The following PRR5L variants were observed in gnomAD, a reference collection of about 807,000 sequenced individuals.
PRR5L encodes proline-rich protein 5-like.
Under a neutral mutation model 36.4 loss-of-function variants are expected in PRR5L, and 21 were observed. That is an observed-to-expected ratio of 0.58 (90% CI 0.41 to 0.83). PRR5L has a LOEUF of 0.83. PRR5L is among the 40% of genes least tolerant of loss of function. PRR5L has a pLI of 0.00. For synonymous variants in PRR5L, 188 were observed against 197.0 expected (o/e 0.95, Z 0.38); for missense variants, 381 against 473.3 (o/e 0.80, Z 1.81).
At chr11:36,338,876 C>T (rs1405422118) in intron 1 of PRR5L, among the ~76,000 whole-genome samples, 3 of 152,106 alleles carry the variant, frequency 2.0e-5, no homozygotes, top group Admixed American at 6.5e-5. Context: ...AGAATTCCCA[C>T]GTGCTGTGGG....
chr11:36,415,012 A>G (rs1858110954), intron 3 of PRR5L, among the ~76,000 whole-genome samples: 1 of 144,502 alleles, frequency 6.9e-6, no homozygotes, highest in African/African-American at 2.6e-5. Context: ...GTCAAAGATC[A>G]GATAGTTGTA....
intron 1 of PRR5L, among the ~76,000 whole-genome samples, chr11:36,356,749 C>T (rs12272026): frequency 6.6e-6 from 1 of 151,988 alleles, no homozygotes; most frequent in Non-Finnish European, 1.5e-5. Flanking sequence ...TAATCCATAA[C>T]TGTTATATGC....
chr11:36,338,368 A>T (rs894612722), intron 1 of PRR5L, among the ~76,000 whole-genome samples: 7 of 152,182 alleles, frequency 4.6e-5, no homozygotes, highest in African/African-American at 1.7e-4. Flanking sequence ...CTTGCTTGAC[A>T]TCCAAGCTGT....
chr11:36,319,457 C>T (rs1403450478), intron 1 of PRR5L, among the ~76,000 whole-genome samples: 3 of 152,190 alleles, frequency 2.0e-5, no homozygotes, highest in Non-Finnish European at 4.4e-5. Flanking sequence ...GCAAACTTTG[C>T]CCGTAAAGGG....
In PRR5L at chr11:36,378,593, G is replaced by C. The variant is rs143461558; in HGVS notation, c.-125-22404G>C. Among the ~76,000 whole-genome samples, 4 of 152,250 alleles carry C rather than the reference G, an allele frequency of 2.6e-5. No homozygotes were observed. The East Asian group carries it at 7.7e-4, about 29-fold the overall frequency. On this transcript the variant is annotated intron_variant, in intron 1 of 8. Transcript: ENST00000530639. Reference sequence around the variant, plus strand: ...TTAGACTACTTTGTTTCTCAAGGGTGGGACCTCATTTCTTTCAGGTCCAGA... The same window carrying C: ...TTAGACTACTTTGTTTCTCAAGGGTCGGACCTCATTTCTTTCAGGTCCAGA...
At chr11:36,421,480 A>G (rs1175886108) in intron 4 of PRR5L, among the ~76,000 whole-genome samples, 1 of 152,176 alleles carries the variant, frequency 6.6e-6, no homozygotes, top group Non-Finnish European at 1.5e-5. Flanking sequence ...ACAGTTTTAA[A>G]TCGAAGTTTA....
intron 1 of PRR5L, among the ~76,000 whole-genome samples, chr11:36,369,063 A>AAGGAGGTTTGGGAATG (rs1857172676): frequency 6.6e-6 from 1 of 152,158 alleles, no homozygotes; most frequent in African/African-American, 2.4e-5. Context: ...GGGTGCACAA[A>AAGGAGGTTTGGGAATG]AGGAGGTTTG....
chr11:36,307,000 T>G (rs905123999), intron 1 of PRR5L, among the ~76,000 whole-genome samples: 19 of 152,182 alleles, frequency 1.2e-4, no homozygotes, highest in African/African-American at 4.3e-4. Context: ...AGACCCTGAT[T>G]GCCACACCCT....
chr11:36,355,696 C>T (rs549719156), intron 1 of PRR5L, among the ~76,000 whole-genome samples: 18 of 151,652 alleles, frequency 1.2e-4, no homozygotes, highest in East Asian at 7.8e-4. Flanking sequence ...ATTATAGGTG[C>T]GTGTCACCAT....
In PRR5L at chr11:36,344,865, A is replaced by G. The variant is rs1043534702; in HGVS notation, c.-126+48427A>G. Among the ~76,000 whole-genome samples the G allele has an allele frequency of 7.2e-5, 11 of 152,188 alleles. No individual in the cohort carries two copies. Among genetic ancestry groups the G allele is most frequent in the Admixed American group, 3.9e-4 (6 of 15,274 alleles). On this transcript the variant is annotated intron_variant, in intron 1 of 8. Transcript: ENST00000530639. The surrounding 1 kb of genome is among the most constrained non-coding windows in gnomAD (Gnocchi z 4.1). ...CAAATACCCATGGAGCTCCTCCTTG[A>G]CTATTGAATTTGGCATTTTTGAAGC...
intron 1 of PRR5L, among the ~76,000 whole-genome samples, chr11:36,383,959 T>C (rs1857414818): frequency 6.6e-6 from 1 of 152,086 alleles, no homozygotes; most frequent in African/African-American, 2.4e-5. Context: ...GCCTCCCCTG[T>C]CTTTTTCTTT....
In PRR5L at chr11:36,383,315, C is replaced by T. The variant is rs1408585822; in HGVS notation, c.-125-17682C>T. Among the ~76,000 whole-genome samples the T allele has an allele frequency of 2.6e-5, 4 of 152,168 alleles. 1 individual carries two copies. ...TTTTTCTTGAGGCTTAGCTCTGTAA[C>T]CTTCACAATATCTCTTTTCTTTGGC... On this transcript the variant is annotated intron_variant, in intron 1 of 8. Transcript: ENST00000530639.
chr11:36,326,296 A>G (rs1856661166), intron 1 of PRR5L, among the ~76,000 whole-genome samples: 2 of 104,154 alleles, frequency 1.9e-5, no homozygotes, highest in African/African-American at 4.0e-5. Flanking sequence ...GTGTCTCCCC[A>G]ATAGATACAC....
At chr11:36,391,284 A>G (rs897762551) in intron 1 of PRR5L, among the ~76,000 whole-genome samples, 4 of 152,100 alleles carry the variant, frequency 2.6e-5, no homozygotes, top group Non-Finnish European at 4.4e-5. Context: ...ATTCATTTGC[A>G]TTTTCCACTA....
intron 7 of PRR5L, among the ~76,000 whole-genome samples, chr11:36,447,461 G>A (rs1858853357): frequency 6.6e-6 from 1 of 152,226 alleles, no homozygotes; most frequent in African/African-American, 2.4e-5. Flanking sequence ...TCCTATGGGT[G>A]GGGGCACACA....
At chr11:36,446,559 T>C in intron 7 of PRR5L, 119 bp downstream of exon 7, 1 of 1,233,546 alleles carries the variant, frequency 8.1e-7, no homozygotes, top group Non-Finnish European at 1.1e-6. Flanking sequence ...GGCTTACTAC[T>C]ATTTAGTTTG....
At chr11:36,298,189 A>T (rs1856333969) in intron 1 of PRR5L, among the ~76,000 whole-genome samples, 1 of 152,152 alleles carries the variant, frequency 6.6e-6, no homozygotes, top group South Asian at 2.1e-4. Flanking sequence ...TCACAGACTG[A>T]GGGGCTTAAA....
chr11:36,310,627 T>C (rs1856490418), intron 1 of PRR5L, among the ~76,000 whole-genome samples: 1 of 152,150 alleles, frequency 6.6e-6, no homozygotes, highest in Admixed American at 6.5e-5. Context: ...GCATGGAACA[T>C]GCACCCAAGA....
intron 1 of PRR5L, among the ~76,000 whole-genome samples, chr11:36,370,208 G>A (rs981784892): frequency 1.3e-5 from 2 of 152,046 alleles, no homozygotes; most frequent in African/African-American, 2.4e-5. Context: ...TCCTGACTCA[G>A]GGCCTCTGTA....
Sources: gnomAD v4.1 joint callset for allele counts (sites outside exome capture counted in the v4.1 genomes callset) on GRCh38, gnomAD v4.1.1 for gene constraint, Gnocchi (gnomAD v3.1) non-coding constraint, MANE v1.5 for transcripts, NCBI Gene and HGNC (gene_info 2026-07-23, HGNC 2026-07-21) for gene names.